Variants in CNTNAP2 observed in about 807,000 individuals in gnomAD.
CNTNAP2 encodes the protein contactin associated protein 2.
Under a neutral mutation model 155.2 loss-of-function variants are expected in CNTNAP2, and 98 were observed. The observed-to-expected ratio is 0.63, with a 90% CI of 0.54 to 0.75. The LOEUF is 0.75. Among genes scored for constraint, CNTNAP2 ranks in the 30% least tolerant of loss-of-function variants. CNTNAP2 has a pLI of 0.00. For synonymous variants in CNTNAP2, 651 were observed against 631.2 expected, an observed-to-expected ratio of 1.03 and a Z score of -0.47; for missense variants, 1,727 against 1,688.1, an observed-to-expected ratio of 1.02 and a Z score of -0.40.
chr7:148,417,953 A>G lies in CNTNAP2; in HGVS notation c.*2337A>G, dbSNP rs1800031953. 1 of 152,200 alleles carries G rather than the reference A, an allele frequency of 6.6e-6. No homozygotes were observed. The highest frequency in any genetic ancestry group is 2.4e-5 in the African/African-American group (1 of 41,454). The allele number at this position is 152,200 out of a possible 1,614,324, so 9.4% of individuals were successfully genotyped here. ...ATCCAATCCTCTCACCAAAATTTCA[A>G]ACCTAGGACACTGGAATGACTGCAG... On this transcript the variant is annotated 3_prime_UTR_variant, in exon 24 of 24. Coordinates refer to ENST00000361727, the MANE Select transcript of CNTNAP2 (RefSeq NM_014141.6).
At chr7:147,352,724 C>T (rs1357970284) in intron 9 of CNTNAP2, among the ~76,000 whole-genome samples, 2 of 151,826 alleles carry the variant, frequency 1.3e-5, no homozygotes, top group African/African-American at 4.8e-5. Flanking sequence ...GCTCTATTGC[C>T]TGTTACTAAG....
intron 8 of CNTNAP2, among the ~76,000 whole-genome samples, chr7:147,238,018 G>C (rs1417426095): frequency 6.6e-6 from 1 of 152,074 alleles, no homozygotes; most frequent in Non-Finnish European, 1.5e-5. Context: ...ATTTTGTTTT[G>C]TGTTTTATTT....
intron 16 of CNTNAP2, among the ~76,000 whole-genome samples, chr7:148,123,686 A>AGGAAAAAG (rs1474670092): frequency 6.8e-6 from 1 of 146,944 alleles, no homozygotes; most frequent in Admixed American, 6.8e-5. Context: ...GAAGGAAGGA[A>AGGAAAAAG]AAAGAAAGAG....
At chr7:147,137,385 T>C (rs938376001) in intron 8 of CNTNAP2, among the ~76,000 whole-genome samples, 1 of 151,438 alleles carries the variant, frequency 6.6e-6, no homozygotes, top group Non-Finnish European at 1.5e-5. Context: ...ATGTTGATCA[T>C]CTCTAATTGG....
intron 1 of CNTNAP2, among the ~76,000 whole-genome samples, chr7:146,376,993 C>T (rs1584896307): frequency 6.6e-6 from 1 of 152,164 alleles, no homozygotes; most frequent in East Asian, 1.9e-4. Flanking sequence ...TCTTGGCCTT[C>T]TCAGCCTCCA....
At chr7:147,943,287 G>A (rs375896920) in intron 14 of CNTNAP2, among the ~76,000 whole-genome samples, 61 of 152,168 alleles carry the variant, frequency 4.0e-4, no homozygotes, top group African/African-American at 1.4e-3. Context: ...TGGCACACAC[G>A]GCATTTTTGT....
chr7:148,125,970 TG>T (rs1804709825), intron 16 of CNTNAP2, among the ~76,000 whole-genome samples: 1 of 152,038 alleles, frequency 6.6e-6, no homozygotes, highest in Non-Finnish European at 1.5e-5. Flanking sequence ...CCCAAAGAAC[TG>T]GGATTATAGG....
intron 3 of CNTNAP2, among the ~76,000 whole-genome samples, chr7:146,930,576 C>T (rs1437784422): frequency 3.9e-5 from 6 of 152,144 alleles, no homozygotes; most frequent in East Asian, 1.9e-4. Flanking sequence ...ATGAAATTCA[C>T]GCATAACAAT....
chr7:146,447,785 G>C (rs958315952), intron 1 of CNTNAP2, among the ~76,000 whole-genome samples: 1 of 151,892 alleles, frequency 6.6e-6, no homozygotes, highest in Non-Finnish European at 1.5e-5. Context: ...AAAATGGTTC[G>C]TGTATGATAA....
chr7:147,076,769 C>T (rs760314650), intron 4 of CNTNAP2, among the ~76,000 whole-genome samples: 1 of 152,094 alleles, frequency 6.6e-6, no homozygotes, highest in African/African-American at 2.4e-5. Flanking sequence ...AATGTTTAAG[C>T]TGTTTATATT....
At chr7:147,217,103 G>C (rs1047369288) in intron 8 of CNTNAP2, among the ~76,000 whole-genome samples, 7 of 151,838 alleles carry the variant, frequency 4.6e-5, no homozygotes, top group African/African-American at 1.7e-4. Context: ...ATTCTACATA[G>C]ACTATCATGT....
chr7:146,878,128 A>C (rs989905432), intron 3 of CNTNAP2, among the ~76,000 whole-genome samples: 1 of 152,120 alleles, frequency 6.6e-6, no homozygotes, highest in Non-Finnish European at 1.5e-5. Context: ...GAATACTGTT[A>C]ATGCAACCAC....
At position 147,551,873 on chromosome 7, in the gene CNTNAP2, A is replaced by G. The variant is rs7778620; in HGVS notation, c.1778-10265A>G. On this transcript the variant is annotated intron_variant, in intron 11 of 23. Transcript: ENST00000361727. ...CCAATAATGTCTTCATTACTACATCAATACTTAAATAATGGACAAGAAATT... is the reference window on the plus strand; with the variant it reads ...CCAATAATGTCTTCATTACTACATCGATACTTAAATAATGGACAAGAAATT... Among the ~76,000 whole-genome samples, 999 of 152,312 alleles carry G rather than the reference A, an allele frequency of 6.6e-3. 13 individuals are homozygous for G. Among genetic ancestry groups the G allele is most frequent in the African/African-American group, 0.023 (940 of 41,564 alleles).
At chr7:147,259,194 G>A (rs566473926) in intron 8 of CNTNAP2, among the ~76,000 whole-genome samples, 2 of 152,276 alleles carry the variant, frequency 1.3e-5, no homozygotes, top group African/African-American at 2.4e-5. Context: ...ACTTCTCTGG[G>A]TATCAGTTGA....
intron 13 of CNTNAP2, among the ~76,000 whole-genome samples, chr7:147,789,018 C>A (rs1319807509): frequency 1.3e-5 from 2 of 149,420 alleles, no homozygotes; most frequent in Non-Finnish European, 2.9e-5. Flanking sequence ...AATTCTCCTG[C>A]CTCAGCCTCC....
chr7:147,438,617 A>G (rs1481558914), intron 10 of CNTNAP2, among the ~76,000 whole-genome samples: 4 of 151,834 alleles, frequency 2.6e-5, no homozygotes, highest in Non-Finnish European at 4.4e-5. Context: ...TGATTTTGGA[A>G]CTATTTCTCT....
At chr7:147,691,416 A>G (rs1001358257) in intron 13 of CNTNAP2, among the ~76,000 whole-genome samples, 2 of 152,278 alleles carry the variant, frequency 1.3e-5, no homozygotes. Context: ...GCCTACCCTC[A>G]TGGAATGCAG....
At chr7:146,790,324 A>G (rs1259203322) in intron 2 of CNTNAP2, among the ~76,000 whole-genome samples, 1 of 152,226 alleles carries the variant, frequency 6.6e-6, no homozygotes, top group African/African-American at 2.4e-5. Context: ...TTGAATTTCA[A>G]CAATTCAAAC....
chr7:147,810,710 A>G (rs1291290668), intron 13 of CNTNAP2, among the ~76,000 whole-genome samples: 2 of 152,208 alleles, frequency 1.3e-5, no homozygotes, highest in Admixed American at 6.5e-5. Context: ...TACAAATGTT[A>G]TTTTGATTGC....
Sources: gnomAD v4.1 joint callset for allele counts (sites outside exome capture counted in the v4.1 genomes callset) on GRCh38, gnomAD v4.1.1 for gene constraint, MANE v1.5 for transcripts, NCBI Gene and HGNC (gene_info 2026-07-23, HGNC 2026-07-21) for gene names.